The following IL1RAPL2 variants were observed in gnomAD, a reference collection of about 807,000 sequenced individuals.
The protein encoded by IL1RAPL2 is interleukin 1 receptor accessory protein like 2.
In IL1RAPL2, 3 loss-of-function variants were observed where a neutral mutation model predicts 44.1. That is an observed-to-expected ratio of 0.07 (90% CI 0.03 to 0.18). The LOEUF (loss-of-function observed/expected upper bound fraction) is 0.18. IL1RAPL2 is among the 10% of genes least tolerant of loss of function. The probability of loss-of-function intolerance (pLI) is 1.00; values close to 1 mark genes in which losing one functional copy is unlikely to be tolerated. For synonymous variants in IL1RAPL2, 181 were observed against 178.8 expected, an observed-to-expected ratio of 1.01 and a Z score of -0.10; for missense variants, 391 against 496.4, an observed-to-expected ratio of 0.79 and a Z score of 2.02.
intron 6 of IL1RAPL2, among the ~76,000 whole-genome samples, chrX:105,552,509 G>A (rs1046056917): frequency 1.2e-4 from 13 of 111,789 alleles, no homozygotes. Flanking sequence ...TTAAACTTAG[G>A]TGTGGCCATA....
intron 2 of IL1RAPL2, among the ~76,000 whole-genome samples, chrX:105,090,561 C>T (rs1384090789): frequency 8.9e-6 from 1 of 112,017 alleles, no homozygotes; most frequent in Non-Finnish European, 1.9e-5. Context: ...GGGACACTTT[C>T]CTTAAAAGTT....
At chrX:105,033,619 G>A (rs2031558217) in intron 2 of IL1RAPL2, among the ~76,000 whole-genome samples, 1 of 111,631 alleles carries the variant, frequency 9.0e-6, no homozygotes, top group Non-Finnish European at 1.9e-5. Flanking sequence ...GCTTCCCTTT[G>A]TGTGTAACCC....
At chrX:105,070,465 A>C (rs2032191894) in intron 2 of IL1RAPL2, among the ~76,000 whole-genome samples, 2 of 111,319 alleles carry the variant, frequency 1.8e-5, no homozygotes, top group South Asian at 7.5e-4. Context: ...AGGCTGAGGC[A>C]GGTGGATCAC....
At chrX:104,882,154 A>T (rs1246906554) in intron 2 of IL1RAPL2, among the ~76,000 whole-genome samples, 1 of 111,972 alleles carries the variant, frequency 8.9e-6, no homozygotes, top group Non-Finnish European at 1.9e-5. Context: ...GCTTACAGAA[A>T]TGTGCAGATA....
At chrX:104,760,247 G>A (rs1932404339) in intron 2 of IL1RAPL2, among the ~76,000 whole-genome samples, 1 of 112,179 alleles carries the variant, frequency 8.9e-6, no homozygotes, top group Admixed American at 9.5e-5. Context: ...AAACATGGAG[G>A]TGTAGATACT....
chrX:105,029,737 C>A (rs1030890390), intron 2 of IL1RAPL2, among the ~76,000 whole-genome samples: 14 of 110,750 alleles, frequency 1.3e-4, no homozygotes, highest in African/African-American at 4.3e-4. Context: ...TTTATAGCAG[C>A]ATGATTTATA....
At chrX:104,796,299 T>G (rs1350351562) in intron 2 of IL1RAPL2, among the ~76,000 whole-genome samples, 3 of 112,377 alleles carry the variant, frequency 2.7e-5, no homozygotes, top group African/African-American at 9.7e-5. Flanking sequence ...ACTAAAGGTA[T>G]TGTCAGGTAT....
chrX:105,497,377 A>G (rs2036363424), intron 6 of IL1RAPL2, among the ~76,000 whole-genome samples: 1 of 111,514 alleles, frequency 9.0e-6, no homozygotes, highest in Non-Finnish European at 1.9e-5. Context: ...ATGAGTAAGG[A>G]TATTGAATCA....
chrX:105,032,294 T>C (rs1274724218), intron 2 of IL1RAPL2, among the ~76,000 whole-genome samples: 24 of 107,803 alleles, frequency 2.2e-4, no homozygotes, highest in South Asian at 1.7e-3. Flanking sequence ...GCTCTTGCTT[T>C]TCTAGTTCTT....
intron 3 of IL1RAPL2, among the ~76,000 whole-genome samples, chrX:105,214,182 G>A (rs1200001628): frequency 4.1e-5 from 4 of 97,939 alleles, no homozygotes; most frequent in African/African-American, 1.5e-4. Flanking sequence ...TGGCAAACTA[G>A]ATAAAAAGTC....
chrX:105,116,672 G>C (rs954181467), intron 2 of IL1RAPL2, among the ~76,000 whole-genome samples: 1 of 112,326 alleles, frequency 8.9e-6, no homozygotes, highest in Admixed American at 9.4e-5. Context: ...ACTGAAGTTT[G>C]AAACGTCCTT....
intron 6 of IL1RAPL2, among the ~76,000 whole-genome samples, chrX:105,507,542 G>T (rs5916916): frequency 1.8e-5 from 2 of 111,438 alleles, no homozygotes; most frequent in Non-Finnish European, 3.8e-5. Context: ...ATGCAGAAAT[G>T]AATAATATAA....
chrX:104,636,625 C>T (rs908956394), intron 1 of IL1RAPL2, among the ~76,000 whole-genome samples: 5 of 111,983 alleles, frequency 4.5e-5, no homozygotes, highest in African/African-American at 6.5e-5. Flanking sequence ...GCTTCGTGGG[C>T]GTAGGACCCT....
intron 5 of IL1RAPL2, among the ~76,000 whole-genome samples, chrX:105,322,626 G>C (rs903263922): frequency 8.9e-6 from 1 of 111,878 alleles, no homozygotes; most frequent in African/African-American, 3.3e-5. Flanking sequence ...ATAATCATTT[G>C]CTTTCCTCCA....
intron 2 of IL1RAPL2, among the ~76,000 whole-genome samples, chrX:105,119,424 C>G (rs1208710516): frequency 9.0e-6 from 1 of 110,977 alleles, no homozygotes; most frequent in African/African-American, 3.3e-5. Context: ...GCAACACAAT[C>G]TGTCATCTCT....
At chrX:104,815,405 G>A (rs1921105878) in intron 2 of IL1RAPL2, among the ~76,000 whole-genome samples, 1 of 110,947 alleles carries the variant, frequency 9.0e-6, no homozygotes, top group Admixed American at 9.6e-5. Flanking sequence ...TCCTTGGACT[G>A]TGGTACCCTT....
At chrX:105,395,114 A>C (rs1366903626) in intron 5 of IL1RAPL2, among the ~76,000 whole-genome samples, 1 of 111,719 alleles carries the variant, frequency 9.0e-6, no homozygotes, top group East Asian at 2.8e-4. Flanking sequence ...AAATATTTTT[A>C]TTGGTTTATT....
At chrX:105,308,712 C>A (rs1473686533) in intron 5 of IL1RAPL2, among the ~76,000 whole-genome samples, 1 of 112,447 alleles carries the variant, frequency 8.9e-6, no homozygotes, top group Non-Finnish European at 1.9e-5. Flanking sequence ...TAGATTGTTT[C>A]TAATTTTGGA....
intron 2 of IL1RAPL2, among the ~76,000 whole-genome samples, chrX:104,982,354 T>C (rs2030457440): frequency 9.0e-6 from 1 of 111,229 alleles, no homozygotes; most frequent in Admixed American, 9.6e-5. Context: ...TATAGACACA[T>C]AACACTTTGT....
Sources: allele counts gnomAD v4.1 joint callset (sites outside exome capture counted in the v4.1 genomes callset), GRCh38; gene constraint gnomAD v4.1.1; transcripts MANE v1.5; gene names NCBI Gene and HGNC (gene_info 2026-07-23, HGNC 2026-07-21).